Variants in B3GALNT2 observed in about 807,000 individuals in gnomAD.
B3GALNT2 encodes UDP-GalNAc:beta-1,3-N-acetylgalactosaminyltransferase 2.
In B3GALNT2, 53 loss-of-function variants were observed where a neutral mutation model predicts 61.1. The observed-to-expected ratio is 0.87, with a 90% confidence interval of 0.70 to 1.09. The LOEUF is 1.09. B3GALNT2 is among the 50% of genes least tolerant of loss of function. The pLI, the probability that B3GALNT2 is intolerant of heterozygous loss-of-function variation, is 0.00. For missense variants in B3GALNT2, 544 were observed against 623.0 expected (o/e 0.87, Z 1.35); for synonymous variants, 223 against 237.4 (o/e 0.94, Z 0.56).
Position 235,448,374 on chromosome 1 carries a change from G to A in B3GALNT2, c.*1832C>T. On this transcript the variant is annotated 3_prime_UTR_variant, in exon 12 of 12. Transcript: ENST00000366600. ...GCTCCATGACAATTCAAAAGGTGAA[G>A]GGATTGCTGTCACGTCTTCTCAAAG... 3 of 1,614,186 alleles carry A rather than the reference G, an allele frequency of 1.9e-6. No individual in the cohort carries two copies. The highest frequency in any genetic ancestry group is 2.2e-5 in the East Asian group (1 of 44,890).
chr1:235,473,006 C>T (rs1172408508), intron 5 of B3GALNT2, among the ~76,000 whole-genome samples: 1 of 152,118 alleles, frequency 6.6e-6, no homozygotes, highest in Non-Finnish European at 1.5e-5. Flanking sequence ...CCTCCCAGGT[C>T]CTGGTTCAAG....
chr1:235,502,854 T>TTA (rs1685644290), intron 1 of B3GALNT2, among the ~76,000 whole-genome samples: 1 of 152,192 alleles, frequency 6.6e-6, no homozygotes, highest in Admixed American at 6.5e-5. Context: ...AAAGCATTTT[T>TTA]TATATATGGC....
In B3GALNT2 at chr1:235,480,034, C is replaced by T. The variant is rs768092808; in HGVS notation, c.651+20G>A. On this transcript the variant is annotated intron_variant, in intron 5 of 11. Coordinates refer to ENST00000366600, the MANE Select transcript of B3GALNT2 (RefSeq NM_152490.5). The stretch of plus-strand genomic sequence containing the variant: ...TGAAGGACTGCATTGGTACTACAGT[C>T]TTTTCCTGCCATCCTGTACCTCTGG... 6.2e-7 allele frequency: 1 copy of T among 1,613,344 alleles called. No individual in the cohort carries two copies. The highest frequency in any genetic ancestry group is 8.5e-7 in the Non-Finnish European group (1 of 1,179,556).
intron 4 of B3GALNT2, among the ~76,000 whole-genome samples, chr1:235,482,961 C>G (rs764070573): frequency 2.0e-5 from 3 of 151,998 alleles, no homozygotes; most frequent in African/African-American, 7.2e-5. Context: ...TCAGAATAAG[C>G]GTACACAGAT....
chr1:235,497,862 A>G (rs904940034), intron 1 of B3GALNT2, among the ~76,000 whole-genome samples: 5 of 152,236 alleles, frequency 3.3e-5, no homozygotes, highest in African/African-American at 1.2e-4. Context: ...TAACCATGTG[A>G]CATGTGAAAA....
chr1:235,451,989 C>T (rs572048030), intron 11 of B3GALNT2: 105 of 151,110 alleles, frequency 6.9e-4, no homozygotes, highest in African/African-American at 2.5e-3. Context: ...CCTTAGACTG[C>T]CACACTCAAT....
chr1:235,440,422 C>G, the B3GALNT2 span, among the ~76,000 whole-genome samples: 1 of 151,750 alleles, frequency 6.6e-6, no homozygotes, highest in Non-Finnish European at 1.5e-5. Flanking sequence ...GATGGTGTTT[C>G]GCTCTTGTTG....
chr1:235,496,350 T>C, intron 1 of B3GALNT2: 3 of 964,754 alleles, frequency 3.1e-6, no homozygotes, highest in Non-Finnish European at 3.9e-6. Context: ...GGAATAGAGG[T>C]ATTTATTATT....
In B3GALNT2 at chr1:235,488,692, C is replaced by CA. The variant is rs11436508; in HGVS notation, c.361+475dup. Among the ~76,000 whole-genome samples the CA allele has an allele frequency of 3.5e-3, 133 of 38,018 alleles. 9 individuals carry two copies. Among genetic ancestry groups the CA allele is most frequent in the Middle Eastern group, 0.029 (1 of 34 alleles). The allele number at this position is 38,018 out of a possible 152,430, so 24.9% of individuals were successfully genotyped here. On this transcript the variant is annotated intron_variant, in intron 3 of 11. Coordinates refer to ENST00000366600, the MANE Select transcript of B3GALNT2 (RefSeq NM_152490.5). ...GGACAACAGAGCAAGACTCCATCTC[C>CA]AAAAAAAAAAAAAAAAAAAAAAAAA...
chr1:235,504,105 C>A (rs1572574723), intron 1 of B3GALNT2, 36 bp downstream of exon 1: 2 of 1,205,370 alleles, frequency 1.7e-6, no homozygotes, highest in Non-Finnish European at 2.1e-6. Flanking sequence ...CCCACCCCCC[C>A]GGCGGCCGCC....
chr1:235,441,556 T>C, the B3GALNT2 span: 1 of 512,798 alleles, frequency 2.0e-6, no homozygotes, highest in Non-Finnish European at 3.5e-6. Context: ...TGTTGTCTTT[T>C]GTTGAGTTTC....
intron 1 of B3GALNT2, chr1:235,496,341 G>A: frequency 1.0e-6 from 1 of 1,000,504 alleles, no homozygotes; most frequent in Non-Finnish European, 1.3e-6. Context: ...ATTCCAAATG[G>A]AATAGAGGTA....
At chr1:235,441,828 G>A in the B3GALNT2 span, 1 of 1,613,952 alleles carries the variant, frequency 6.2e-7, no homozygotes, top group Non-Finnish European at 8.5e-7. Flanking sequence ...TGGTGCACCT[G>A]AAGATTGGGA....
intron 4 of B3GALNT2, among the ~76,000 whole-genome samples, chr1:235,482,994 T>C (rs866124663): frequency 3.3e-5 from 5 of 152,272 alleles, no homozygotes; most frequent in East Asian, 1.9e-4. Flanking sequence ...GTTATAACTA[T>C]GGTCAAAGCT....
intron 1 of B3GALNT2, 27 bp from the exon 2 acceptor site, chr1:235,494,855 A>G: frequency 3.2e-6 from 5 of 1,562,870 alleles, no homozygotes; most frequent in South Asian, 2.3e-5. Flanking sequence ...TACATGAGAA[A>G]TAAGTCATGT....
chr1:235,465,735 C>T (rs1558417468), intron 6 of B3GALNT2, 21 bp from the exon 7 acceptor site: 26 of 1,604,578 alleles, frequency 1.6e-5, no homozygotes, highest in East Asian at 2.2e-5. Flanking sequence ...TAAGAATGTA[C>T]TCAGTGATTC....
In B3GALNT2 at chr1:235,453,118, A is replaced by G. The variant is rs1683004590; in HGVS notation, c.1340T>C (p.Met447Thr). 1 of 1,613,334 alleles carries G rather than the reference A, an allele frequency of 6.2e-7. No individual in the cohort carries two copies. Among genetic ancestry groups the G allele is most frequent in the South Asian group, 1.1e-5 (1 of 91,074 alleles). Residue 447 changes from methionine to threonine, a missense_variant, in exon 11 of 12, where the codon ATG (methionine) becomes ACG (threonine). Coordinates refer to ENST00000366600, the MANE Select transcript of B3GALNT2 (RefSeq NM_152490.5). ...GTATCTTTTAGGTCCTATGGCAGCC[A>G]TCCAGATGCCCATGCTTACATCTTC... ...QGEDVSMGIW[M>T]AAIGPKRYQD...
At chr1:235,464,854 G>A (rs558125939) in intron 7 of B3GALNT2, 21 of 152,192 alleles carry the variant, frequency 1.4e-4, no homozygotes, top group African/African-American at 4.3e-4. Flanking sequence ...ATGGAAATAC[G>A]AATAAAAATC....
Position 235,448,328 on chromosome 1 carries a change from A to G in B3GALNT2, c.*1878T>C, listed in dbSNP as rs749192982. ...AACTGTCATTTGAGAGAACGAATGGACTTTTCTTGTCTTTTGATAGGCTCC... is the reference window on the plus strand; with the variant it reads ...AACTGTCATTTGAGAGAACGAATGGGCTTTTCTTGTCTTTTGATAGGCTCC... On this transcript the variant is annotated 3_prime_UTR_variant, in exon 12 of 12. Coordinates refer to ENST00000366600, the MANE Select transcript of B3GALNT2 (RefSeq NM_152490.5). 6.2e-7 allele frequency: 1 copy of G among 1,609,780 alleles called. No individual in the cohort carries two copies. The highest frequency in any genetic ancestry group is 8.5e-7 in the Non-Finnish European group (1 of 1,176,250).
Sources: allele counts gnomAD v4.1 joint callset (sites outside exome capture counted in the v4.1 genomes callset), GRCh38; gene constraint gnomAD v4.1.1; transcripts MANE v1.5; gene names NCBI Gene and HGNC (gene_info 2026-07-23, HGNC 2026-07-21).